Variants in ERCC1 observed in about 807,000 individuals in gnomAD.
ERCC1 encodes DNA excision repair protein ERCC-1.
Under a neutral mutation model 37.6 loss-of-function variants are expected in ERCC1, and 36 were observed. The observed-to-expected ratio is 0.96, with a 90% CI of 0.73 to 1.26. The LOEUF (loss-of-function observed/expected upper bound fraction) is 1.26, where lower values mean the gene tolerates loss of function less well. ERCC1 is among the 50% of genes most tolerant of loss of function. ERCC1 has a pLI of 0.00. For missense variants in ERCC1, 349 were observed against 376.5 expected, an observed-to-expected ratio of 0.93 and a Z score of 0.60; for synonymous variants, 156 against 162.1, an observed-to-expected ratio of 0.96 and a Z score of 0.28.
chr19:45,414,162 T>C lies in ERCC1; in HGVS notation c.703-128A>G, dbSNP rs1599815072. The stretch of plus-strand genomic sequence containing the variant: ...CGTGCAGGAAGCACTCAATAAACGC[T>C]TTTTTTCCCAACTGATTAAAAAGTC... On this transcript the variant is annotated intron_variant, in intron 7 of 9. Coordinates refer to ENST00000300853, the MANE Select transcript of ERCC1 (RefSeq NM_001983.4). 8 of 738,758 alleles carry C rather than the reference T, an allele frequency of 1.1e-5. 1 individual carries two copies. The highest frequency in any genetic ancestry group is 5.3e-5 in the East Asian group (2 of 37,574). The allele number at this position is 738,758 out of a possible 1,614,324, so 45.8% of individuals were successfully genotyped here.
chr19:45,417,669 C>T (rs1974146027), intron 5 of ERCC1, among the ~76,000 whole-genome samples: 1 of 152,032 alleles, frequency 6.6e-6, no homozygotes, highest in Admixed American at 6.6e-5. Flanking sequence ...GAACTTTCTC[C>T]TAGGGTGCTT....
rs1973497005 is a variant in ERCC1 at position 45,408,670 on chromosome 19, C to T, written c.*1005G>A. Reference sequence around the variant, plus strand: ...CAGCAGGGCCTGTGGGGACAGAGCCCACAGTGGAGACACTGGAGCCTCTGG... The same window carrying T: ...CAGCAGGGCCTGTGGGGACAGAGCCTACAGTGGAGACACTGGAGCCTCTGG... On this transcript the variant is annotated 3_prime_UTR_variant, in exon 10 of 10. Transcript: ENST00000300853. 15 of 1,613,912 alleles carry T rather than the reference C, an allele frequency of 9.3e-6. No individual in the cohort carries two copies. The highest frequency in any genetic ancestry group is 1.3e-5 in the Non-Finnish European group (15 of 1,179,986).
At chr19:45,430,101 A>G (rs931017796) in intron 1 of ERCC1, among the ~76,000 whole-genome samples, 3 of 152,176 alleles carry the variant, frequency 2.0e-5, no homozygotes, top group African/African-American at 7.2e-5. Context: ...TTCCTCAAAT[A>G]AAAACTCCGT....
chr19:45,408,070 A>T lies in ERCC1; in HGVS notation c.*1605T>A. Reference sequence around the variant, plus strand: ...CTCTCTCAAAAAAAAACAAAAAAAAAATCAAAAAACCTTCCCTCTCCTGTT... The same window carrying T: ...CTCTCTCAAAAAAAAACAAAAAAAATATCAAAAAACCTTCCCTCTCCTGTT... On this transcript the variant is annotated 3_prime_UTR_variant, in exon 10 of 10. Coordinates refer to ENST00000300853, the MANE Select transcript of ERCC1 (RefSeq NM_001983.4). 3 of 1,506,620 alleles carry T rather than the reference A, an allele frequency of 2.0e-6. No individual in the cohort carries two copies. Among genetic ancestry groups the T allele is most frequent in the Non-Finnish European group, 2.7e-6 (3 of 1,130,092 alleles). 93.3% of individuals were successfully genotyped at this position (1,506,620 alleles called of 1,614,324 possible). A position where few individuals can be genotyped will look rare whatever the true frequency, so the allele number is the denominator to read the frequency against.
rs559443566 is a variant in ERCC1, at chr19:45,444,060, C to T, written c.-7-20679G>A. ...CCTCAACTACCCCCACTATCCTGCC[C>T]AGGCCCTCCCAATCCCCTCCCCGGG... On this transcript the variant is annotated intron_variant, in intron 1 of 8. Coordinates refer to the ERCC1 transcript ENST00000423698. Among the ~76,000 whole-genome samples the T allele has an allele frequency of 8.1e-5, 12 of 148,942 alleles. No homozygotes were observed. In the South Asian group the frequency reaches 2.4e-3, roughly 30 times the overall value.
chr19:45,416,616 G>T, intron 6 of ERCC1: 1 of 553,234 alleles, frequency 1.8e-6, no homozygotes, highest in Non-Finnish European at 3.2e-6. Flanking sequence ...TCAGCCTAGG[G>T]GACAGAGTGA....
intron 9 of ERCC1, among the ~76,000 whole-genome samples, chr19:45,413,172 G>A (rs531400068): frequency 1.4e-4 from 22 of 152,266 alleles, no homozygotes; most frequent in Admixed American, 9.8e-4. Context: ...TCTTGTAGAC[G>A]TTTCATGCAT....
chr19:45,410,198 T>A (rs12984194), intron 9 of ERCC1: 28,323 of 151,450 alleles, frequency 0.19, 2,849 homozygotes, highest in Non-Finnish European at 0.22. Context: ...TTATTATTAT[T>A]TTTTTGAGAC....
intron 1 of ERCC1, among the ~76,000 whole-genome samples, chr19:45,434,764 T>G (rs1974931160): frequency 6.6e-6 from 1 of 151,428 alleles, no homozygotes; most frequent in Non-Finnish European, 1.5e-5. Flanking sequence ...TTTAAAAATT[T>G]TTTTATTTTT....
chr19:45,445,224 C>T (rs1966905203), intron 1 of ERCC1, among the ~76,000 whole-genome samples: 1 of 152,166 alleles, frequency 6.6e-6, no homozygotes, highest in South Asian at 2.1e-4. Context: ...ACCATGTTGG[C>T]CAGGCTGGTC....
rs144154880 is a variant in ERCC1, at chr19:45,413,725, G to A, written c.795C>T (p.Ala265=). 2.2e-5 allele frequency: 36 copies of A among 1,613,660 alleles called. No individual in the cohort carries two copies. The highest frequency in any genetic ancestry group is 2.5e-5 in the Non-Finnish European group (30 of 1,180,048). Residue 265 remains alanine (A), a synonymous_variant, in exon 9 of 10, where the codon GCC becomes GCT. Transcript: ENST00000300853. Reference sequence around the variant, plus strand: ...ATAAGGCCAGATCTTCTCTTGATGCGGCGATGAGCTGTTCCAGAGACTGAA... The same window carrying A: ...ATAAGGCCAGATCTTCTCTTGATGCAGCGATGAGCTGTTCCAGAGACTGAA... ...TTFGSLEQLI[A]ASREDLALCP... is the part of the protein sequence containing the mutation.
At chr19:45,426,378 C>CAAAAAA (rs71173164), upstream of ERCC1, among the ~76,000 whole-genome samples, 85 of 55,376 alleles carry the variant, frequency 1.5e-3, no homozygotes, top group East Asian at 0.01. Flanking sequence ...GACTCTGTCT[C>CAAAAAA]AAAAAAAAAA....
At chr19:45,425,149 G>A (rs1025712875), upstream of ERCC1, among the ~76,000 whole-genome samples, 2 of 142,978 alleles carry the variant, frequency 1.4e-5, no homozygotes, top group East Asian at 4.1e-4. Context: ...TGGCCAGGCT[G>A]GTCTCAAACT....
rs1568590513 is a variant in ERCC1, at chr19:45,423,853, T to G, written c.-80A>C. ...GGTCTTGGAGCCTCAAGGGAAAGAC[T>G]GCAGAGGGATCGAGGCGGCCCACTG... is the stretch of plus-strand genomic sequence containing the variant. On this transcript the variant is annotated 5_prime_UTR_variant, in exon 1 of 10. Transcript: ENST00000300853. 8.9e-7 allele frequency: 1 copy of G among 1,123,106 alleles called. No individual in the cohort carries two copies. Among genetic ancestry groups the G allele is most frequent in the Non-Finnish European group, 1.1e-6 (1 of 911,178 alleles). 69.6% of individuals were successfully genotyped at this position (1,123,106 alleles called of 1,614,324 possible). A position where few individuals can be genotyped will look rare whatever the true frequency, so the allele number is the denominator to read the frequency against.
intron 7 of ERCC1, chr19:45,414,312 C>T (rs1307189637): frequency 2.0e-6 from 1 of 492,430 alleles, no homozygotes; most frequent in Non-Finnish European, 3.7e-6. Flanking sequence ...CCCATCTTTA[C>T]TAAAAAATAC....
chr19:45,431,324 C>G (rs1974825419), intron 1 of ERCC1, among the ~76,000 whole-genome samples: 1 of 152,286 alleles, frequency 6.6e-6, no homozygotes, highest in East Asian at 1.9e-4. Context: ...TGGTACATCC[C>G]TGTAATTCCA....
intron 1 of ERCC1, among the ~76,000 whole-genome samples, chr19:45,447,688 C>G (rs1312864245): frequency 6.6e-6 from 1 of 152,124 alleles, no homozygotes; most frequent in African/African-American, 2.4e-5. Flanking sequence ...TCAGGATCCT[C>G]TAACTGCCGC....
At chr19:45,422,763 AT>A (rs1331441598) in intron 2 of ERCC1, among the ~76,000 whole-genome samples, 1 of 151,882 alleles carries the variant, frequency 6.6e-6, no homozygotes. Flanking sequence ...TCTCAAAAAA[AT>A]AAATAAATAA....
chr19:45,415,926 A>G, intron 6 of ERCC1: 1 of 395,274 alleles, frequency 2.5e-6, no homozygotes, highest in Non-Finnish European at 5.1e-6. Context: ...ACTTGAGCTC[A>G]GGAGTTCAAG....
Sources: gnomAD v4.1 joint callset for allele counts (sites outside exome capture counted in the v4.1 genomes callset) on GRCh38, gnomAD v4.1.1 for gene constraint, MANE v1.5 for transcripts, NCBI Gene and HGNC (gene_info 2026-07-23, HGNC 2026-07-21) for gene names.